ANGPTL6: variants seen among roughly 807,000 people sequenced by gnomAD.
The protein encoded by ANGPTL6 is angiopoietin-related protein 6.
In ANGPTL6, 45 loss-of-function variants were observed where a neutral mutation model predicts 47.4. The observed-to-expected ratio is 0.95, with a 90% CI of 0.75 to 1.22. ANGPTL6 has a LOEUF of 1.22. Ranked by LOEUF, ANGPTL6 falls within the 50% of genes most tolerant of loss-of-function variation. The pLI is 0.00. For synonymous variants in ANGPTL6, 290 were observed against 295.9 expected (o/e 0.98, Z 0.20); for missense variants, 698 against 669.4 (o/e 1.04, Z -0.47).
intron 1 of ANGPTL6, 61 bp downstream of exon 1, chr19:10,102,507 G>T: frequency 1.0e-6 from 1 of 971,680 alleles, no homozygotes; most frequent in Non-Finnish European, 1.2e-6. Context: ...CCCAAGCCAA[G>T]CTGTGGTCGG....
chr19:10,096,027 G>GT lies in ANGPTL6; in HGVS notation c.536_537insA (p.Arg180ProfsTer33). 1 of 1,382,934 alleles carries GT rather than the reference G, an allele frequency of 7.2e-7. No homozygotes were observed. The highest frequency in any genetic ancestry group is 9.4e-7 in the Non-Finnish European group (1 of 1,063,746). The allele number at this position is 1,382,934 out of a possible 1,614,324, so 85.7% of individuals were successfully genotyped here. Reference sequence around the variant, plus strand: ...CTCCCGGGCACAGGCGCTCCAGGCGGGCGATGAGACTGCTCTGCTGGGTGA... The same window carrying GT: ...CTCCCGGGCACAGGCGCTCCAGGCGGTGCGATGAGACTGCTCTGCTGGGTGA... On this transcript the variant is annotated frameshift_variant, in exon 2 of 6. Coordinates refer to ENST00000253109, the MANE Select transcript of ANGPTL6 (RefSeq NM_031917.3). LOFTEE classifies it high-confidence loss of function.
rs756181211 is a variant in ANGPTL6, at chr19:10,093,832, C to A, written c.812G>T (p.Ser271Ile). Residue 271 changes from serine (S) to isoleucine (I), a missense_variant, in exon 4 of 6, where the codon AGT (serine) becomes ATT (isoleucine). Coordinates refer to ENST00000253109, the MANE Select transcript of ANGPTL6 (RefSeq NM_031917.3). Reference sequence around the variant, plus strand: ...GCCCACTCGCAGTTCATACACTCCACTCTGTTCATGGCCTGCCTGGCGGGC... The same window carrying A: ...GCCCACTCGCAGTTCATACACTCCAATCTGTTCATGGCCTGCCTGGCGGGC... ...AEARQAGHEQ[S>I]GVYELRVGRH... 1.9e-6 allele frequency: 3 copies of A among 1,612,976 alleles called. No individual in the cohort carries two copies. The highest frequency in any genetic ancestry group is 2.5e-6 in the Non-Finnish European group (3 of 1,180,052).
At chr19:10,102,115 CAAA>C (rs111902676) in intron 1 of ANGPTL6, among the ~76,000 whole-genome samples, 3 of 43,764 alleles carry the variant, frequency 6.9e-5, no homozygotes, top group Non-Finnish European at 4.5e-5. Context: ...GACTCTGTCT[CAAA>C]AAAAAAAAAA....
In ANGPTL6 at chr19:10,093,807, G is replaced by A; in HGVS notation, c.837C>T (p.Gly279=). ...CACACCATACTGACACTACGTGACG[G>A]CCCACTCGCAGTTCATACACTCCAC... ...EQSGVYELRV[G]RHVVSVWCEQ... is the part of the protein sequence containing the mutation. The change falls in exon 4 of 6, where the codon GGC becomes GGT. Residue 279 remains glycine, a synonymous_variant. Coordinates refer to ENST00000253109, the MANE Select transcript of ANGPTL6 (RefSeq NM_031917.3). 1 of 1,613,826 alleles carries A rather than the reference G, an allele frequency of 6.2e-7. No individual in the cohort carries two copies. Among genetic ancestry groups the A allele is most frequent in the Non-Finnish European group, 8.5e-7 (1 of 1,180,042 alleles).
intron 2 of ANGPTL6, 89 bp downstream of exon 2, chr19:10,095,893 G>A (rs2088515972): frequency 2.4e-6 from 2 of 840,030 alleles, no homozygotes; most frequent in Admixed American, 4.3e-5. Flanking sequence ...AGGGTTTTGC[G>A]GATTTCAGAA....
intron 1 of ANGPTL6, among the ~76,000 whole-genome samples, chr19:10,096,827 C>G (rs1459507309): frequency 6.6e-6 from 1 of 152,084 alleles, no homozygotes; most frequent in African/African-American, 2.4e-5. Flanking sequence ...GGCGCCGTAG[C>G]TCACGCCTGC....
rs1414699964 is a variant in ANGPTL6 at position 10,093,509 on chromosome 19, G to C, written c.1062C>G (p.Gly354=). 6.2e-7 allele frequency: 1 copy of C among 1,614,004 alleles called. No homozygotes were observed. The highest frequency in any genetic ancestry group is 8.5e-7 in the Non-Finnish European group (1 of 1,180,002). ...CATCATAGTGGGCACGTGCTCCACG[G>C]CCCCCCCAGTCCTCCAGGAGAACCA... ...ELLVLLEDWG[G]RGARAHYDGF... Residue 354 remains glycine, a synonymous_variant, in exon 5 of 6, where the codon GGC becomes GGG. Transcript: ENST00000253109.
At chr19:10,094,605 C>A in intron 3 of ANGPTL6, 153 bp downstream of exon 3, 1 of 950,778 alleles carries the variant, frequency 1.1e-6, no homozygotes, top group Non-Finnish European at 1.6e-6. Context: ...CTTGTTTCTC[C>A]TATTTTCACA....
intron 3 of ANGPTL6, 73 bp downstream of exon 3, chr19:10,094,685 G>A (rs2088485378): frequency 1.9e-6 from 3 of 1,571,238 alleles, no homozygotes; most frequent in Admixed American, 1.7e-5. Flanking sequence ...CACAATGAGA[G>A]AAATCTGCCA....
In ANGPTL6 at chr19:10,092,602, G is replaced by A. The variant is rs2088415788; in HGVS notation, c.1400C>T (p.Pro467Leu). The A allele has an allele frequency of 6.2e-7, 1 of 1,606,788 alleles. No homozygotes were observed. Among genetic ancestry groups the A allele is most frequent in the African/African-American group, 1.3e-5 (1 of 74,800 alleles). The part of the protein sequence containing the change: ...SLRKAAMLIR[P>L]LKL ...AGGAACACAGAGTCACAGCTTCAGG[G>A]GCCGAATGAGCATGGCGGCCTTCCT... The change falls in exon 6 of 6, where the codon CCC becomes CTC. Residue 467 changes from proline to leucine, a missense_variant. Pro to Leu is a moderately conservative substitution (Grantham distance 98). Coordinates refer to ENST00000253109, the MANE Select transcript of ANGPTL6 (RefSeq NM_031917.3).
At position 10,096,160 on chromosome 19, in the gene ANGPTL6, G is replaced by A. The variant is rs754807990; in HGVS notation, c.404C>T (p.Ala135Val). ...GADLGAEPAA[A>V]LALLGERVLN... The stretch of plus-strand genomic sequence containing the variant: ...CACGCGCTCCCCGAGCAGCGCCAGC[G>A]CCGCGGCAGGCTCCGCCCCCAGATC... The change falls in exon 2 of 6, where the codon GCG (alanine) becomes GTG (valine). Residue 135 changes from alanine to valine, a missense_variant. Coordinates refer to ENST00000253109, the MANE Select transcript of ANGPTL6 (RefSeq NM_031917.3). The A allele has an allele frequency of 3.8e-6, 5 of 1,315,372 alleles. No individual in the cohort carries two copies. The African/African-American group carries it at 7.7e-5, about 20-fold the overall frequency. The allele number at this position is 1,315,372 out of a possible 1,614,324, so 81.5% of individuals were successfully genotyped here. A position where few individuals can be genotyped will look rare whatever the true frequency, so the allele number is the denominator to read the frequency against.
chr19:10,096,405 C>A lies in ANGPTL6; in HGVS notation c.159G>T (p.Thr53=). ...GCTCGCTGGCGTTGGCGGCCTCGGG[C>A]GTCGCCCGCGTGGATGCGGGGCCGC... is the stretch of plus-strand genomic sequence containing the variant. ...CWSGPASTRA[T]PEAANASELA... Residue 53 remains threonine, a synonymous_variant, in exon 2 of 6, where the codon ACG becomes ACT. Coordinates refer to ENST00000253109, the MANE Select transcript of ANGPTL6 (RefSeq NM_031917.3). 2 of 1,317,820 alleles carry A rather than the reference C, an allele frequency of 1.5e-6. No homozygotes were observed. Among genetic ancestry groups the A allele is most frequent in the Non-Finnish European group, 1.9e-6 (2 of 1,038,382 alleles). The allele number at this position is 1,317,820 out of a possible 1,614,324, so 81.6% of individuals were successfully genotyped here. A position where few individuals can be genotyped will look rare whatever the true frequency, so the allele number is the denominator to read the frequency against.
At position 10,102,649 on chromosome 19, in the gene ANGPTL6, C is replaced by T; in HGVS notation, c.-92G>A. 4.1e-6 allele frequency: 4 copies of T among 984,798 alleles called. 1 individual carries two copies. Among genetic ancestry groups the T allele is most frequent in the Non-Finnish European group, 4.8e-6 (4 of 829,496 alleles). The allele number at this position is 984,798 out of a possible 1,614,324, so 61.0% of individuals were successfully genotyped here. On this transcript the variant is annotated 5_prime_UTR_variant, in exon 1 of 6. Transcript: ENST00000253109. ...AGGAAGAGCCGAGGGTCCAGTGGGG[C>T]CTCTGAGCTAGAGACGGGGAGAGGG... is the stretch of plus-strand genomic sequence containing the variant.
rs1489722063 is a variant in ANGPTL6, at chr19:10,096,377, C to G, written c.187G>C (p.Ala63Pro). The change falls in exon 2 of 6, where the codon GCG becomes CCG. Residue 63 changes from alanine to proline, a missense_variant. By Grantham distance (27) the Ala-to-Pro change is conservative. Transcript: ENST00000253109. Reference protein sequence around the residue: ...TPEAANASELAALRMRVGRHE... With the variant: ...TPEAANASELPALRMRVGRHE... ...CGGCCGACGCGCATGCGCAGCGCCG[C>G]CAGCTCGCTGGCGTTGGCGGCCTCG... The G allele has an allele frequency of 5.4e-6, 7 of 1,298,080 alleles. No individual in the cohort carries two copies. The highest frequency in any genetic ancestry group is 5.8e-6 in the Non-Finnish European group (6 of 1,027,726). 80.4% of individuals were successfully genotyped at this position (1,298,080 alleles called of 1,614,324 possible). A position where few individuals can be genotyped will look rare whatever the true frequency, so the allele number is the denominator to read the frequency against.
intron 3 of ANGPTL6, among the ~76,000 whole-genome samples, chr19:10,094,150 G>T (rs113484491): frequency 0.023 from 3,520 of 151,800 alleles, 123 homozygotes; most frequent in African/African-American, 0.08. Flanking sequence ...CAAGTCTGGG[G>T]TTCTTTTTTT....
At chr19:10,101,790 G>A (rs987745412) in intron 1 of ANGPTL6, among the ~76,000 whole-genome samples, 1 of 126,538 alleles carries the variant, frequency 7.9e-6, no homozygotes, top group Non-Finnish European at 1.6e-5. Flanking sequence ...CAACCTGGGC[G>A]ACAGAGCAAG....
chr19:10,094,574 A>C (rs1456349718), intron 3 of ANGPTL6, 184 bp downstream of exon 3: 1 of 742,156 alleles, frequency 1.3e-6, no homozygotes, highest in Admixed American at 2.8e-5. Flanking sequence ...CACTAAAGTA[A>C]GAGTCCCTCC....
rs533404585 is a variant in ANGPTL6 at position 10,100,213 on chromosome 19, C to T, written c.-11+2355G>A. On this transcript the variant is annotated intron_variant, in intron 1 of 5. Coordinates refer to ENST00000253109, the MANE Select transcript of ANGPTL6 (RefSeq NM_031917.3). ...TGAGCTGAGACCGCACCACTGCCTT[C>T]TAGCCTAGGCAACCTGGGTGAGACT... Among the ~76,000 whole-genome samples, 7 of 151,828 alleles carry T rather than the reference C, an allele frequency of 4.6e-5. No individual in the cohort carries two copies. The South Asian group carries it at 1.5e-3, about 32-fold the overall frequency.
chr19:10,100,274 T>G (rs554826443), intron 1 of ANGPTL6, among the ~76,000 whole-genome samples: 68 of 151,874 alleles, frequency 4.5e-4, no homozygotes, highest in African/African-American at 1.4e-3. Context: ...GAGAGAGTCG[T>G]GCTCTGTTGC....
Sources: allele counts gnomAD v4.1 joint callset (sites outside exome capture counted in the v4.1 genomes callset), GRCh38; gene constraint gnomAD v4.1.1; transcripts MANE v1.5; gene names NCBI Gene and HGNC (gene_info 2026-07-23, HGNC 2026-07-21).